EIF2B3: variants seen among roughly 807,000 people sequenced by gnomAD.
EIF2B3 encodes the protein translation initiation factor eIF2B subunit gamma.
EIF2B3 carries 20 observed loss-of-function variants against 54.1 expected under a neutral mutation model. The observed-to-expected ratio is 0.37, with a 90% CI of 0.26 to 0.54. EIF2B3 has a LOEUF of 0.54. EIF2B3 is among the 20% of genes least tolerant of loss of function. The pLI, the probability that EIF2B3 is intolerant of heterozygous loss-of-function variation, is 0.86. For missense variants in EIF2B3, 448 were observed against 547.8 expected (o/e 0.82, Z 1.82); for synonymous variants, 153 against 188.1 (o/e 0.81, Z 1.52).
At chr1:44,911,749 C>T (rs1399860944) in intron 5 of EIF2B3, among the ~76,000 whole-genome samples, 2 of 151,954 alleles carry the variant, frequency 1.3e-5, no homozygotes, top group Admixed American at 1.3e-4. Context: ...GGTACATGTG[C>T]ACAATGTGCA....
chr1:44,898,297 C>T (rs1656046497), intron 5 of EIF2B3, among the ~76,000 whole-genome samples: 1 of 152,134 alleles, frequency 6.6e-6, no homozygotes, highest in Admixed American at 6.5e-5. Flanking sequence ...TCCCACAAAA[C>T]TTGGTATCTA....
intron 3 of EIF2B3, among the ~76,000 whole-genome samples, chr1:44,942,060 C>T (rs551604175): frequency 6.6e-6 from 1 of 152,068 alleles, no homozygotes; most frequent in South Asian, 2.1e-4. Flanking sequence ...AAAGAACAAT[C>T]ACTTTACTAC....
At chr1:44,909,204 G>A (rs1441979813) in intron 5 of EIF2B3, among the ~76,000 whole-genome samples, 1 of 152,062 alleles carries the variant, frequency 6.6e-6, no homozygotes, top group African/African-American at 2.4e-5. Context: ...TGGTAGTAAG[G>A]GACTAGAAAG....
At position 44,974,489 on chromosome 1, in the gene EIF2B3, A is replaced by G. The variant is rs969858417; in HGVS notation, c.294+3826T>C. On this transcript the variant is annotated intron_variant, in intron 3 of 11. Coordinates refer to ENST00000360403, the MANE Select transcript of EIF2B3 (RefSeq NM_020365.5). ...ACCCTGGTCTAAAAAAAAAAAAAAG[A>G]AAAAAAAAGAAATTAGCCGGGCATG... is the stretch of plus-strand genomic sequence containing the variant. Among the ~76,000 whole-genome samples, 235 of 149,192 alleles carry G rather than the reference A, an allele frequency of 1.6e-3. 1 individual carries two copies. Among genetic ancestry groups the G allele is most frequent in the Non-Finnish European group, 2.7e-4 (18 of 67,234 alleles).
At chr1:44,862,153 G>A (rs1654627630) in intron 10 of EIF2B3, among the ~76,000 whole-genome samples, 1 of 152,178 alleles carries the variant, frequency 6.6e-6, no homozygotes. Context: ...CAACAAAAGA[G>A]CTTGTTCCAG....
intron 3 of EIF2B3, among the ~76,000 whole-genome samples, chr1:44,960,196 G>A (rs1387684906): frequency 2.0e-5 from 3 of 152,146 alleles, no homozygotes; most frequent in Non-Finnish European, 4.4e-5. Context: ...ATTTTTTAAA[G>A]TTGACTTTTT....
chr1:44,971,697 A>G (rs562846418), intron 3 of EIF2B3, among the ~76,000 whole-genome samples: 1 of 152,334 alleles, frequency 6.6e-6, no homozygotes, highest in South Asian at 2.1e-4. Flanking sequence ...AATCAAAACT[A>G]CAGTAAGATA....
intron 4 of EIF2B3, among the ~76,000 whole-genome samples, chr1:44,927,649 T>C (rs375508817): frequency 9.2e-5 from 14 of 152,274 alleles, no homozygotes; most frequent in African/African-American, 3.1e-4. Context: ...ATATTATTAA[T>C]TGGTGACGTT....
At chr1:44,956,634 T>C (rs1644229051) in intron 3 of EIF2B3, among the ~76,000 whole-genome samples, 1 of 152,160 alleles carries the variant, frequency 6.6e-6, no homozygotes, top group Non-Finnish European at 1.5e-5. Context: ...TATATACATA[T>C]ATGTATATAT....
chr1:44,932,536 T>G (rs1479375876), intron 4 of EIF2B3: 1 of 152,214 alleles, frequency 6.6e-6, no homozygotes, highest in Non-Finnish European at 1.5e-5. Context: ...ACCTGGTGAC[T>G]AGTTAGTAAC....
At chr1:44,957,985 C>T (rs1375053729) in intron 3 of EIF2B3, among the ~76,000 whole-genome samples, 1 of 152,198 alleles carries the variant, frequency 6.6e-6, no homozygotes, top group Admixed American at 6.5e-5. Context: ...ATTTATCATG[C>T]AACAATACCA....
chr1:44,949,168 C>T (rs1644135277), intron 3 of EIF2B3, among the ~76,000 whole-genome samples: 2 of 152,146 alleles, frequency 1.3e-5, no homozygotes, highest in Admixed American at 1.3e-4. Context: ...CTGCACCTGG[C>T]CGCCAGTGTT....
intron 4 of EIF2B3, among the ~76,000 whole-genome samples, chr1:44,933,277 A>G (rs1204011802): frequency 1.3e-5 from 2 of 152,226 alleles, no homozygotes; most frequent in Non-Finnish European, 2.9e-5. Context: ...TCATGATAAT[A>G]TAAACATAAA....
At chr1:44,852,988 G>A (rs1654322500) in intron 11 of EIF2B3, among the ~76,000 whole-genome samples, 1 of 152,130 alleles carries the variant, frequency 6.6e-6, no homozygotes, top group South Asian at 2.1e-4. Context: ...GAATCATGAA[G>A]CCGGAGAGCT....
intron 3 of EIF2B3, among the ~76,000 whole-genome samples, chr1:44,942,379 A>T (rs867980770): frequency 9.4e-3 from 63 of 6,704 alleles, no homozygotes; most frequent in African/African-American, 0.038. Flanking sequence ...TTCTGATTTT[A>T]TATATATATA....
At chr1:44,892,018 C>T (rs560147617) in intron 6 of EIF2B3, among the ~76,000 whole-genome samples, 93 of 152,164 alleles carry the variant, frequency 6.1e-4, no homozygotes, top group African/African-American at 2.1e-3. Flanking sequence ...GGATTACAGG[C>T]GTGAGCTATT....
chr1:44,917,759 T>C (rs1173880690), intron 5 of EIF2B3, among the ~76,000 whole-genome samples: 4 of 50,420 alleles, frequency 7.9e-5, no homozygotes, highest in Admixed American at 2.2e-4. Flanking sequence ...AACACTCTTT[T>C]TTTTTTTTTT....
intron 10 of EIF2B3, among the ~76,000 whole-genome samples, chr1:44,866,502 G>C (rs1573687563): frequency 6.6e-6 from 1 of 151,946 alleles, no homozygotes; most frequent in East Asian, 1.9e-4. Flanking sequence ...CATGAATAAA[G>C]TGTTATGGGT....
intron 9 of EIF2B3, among the ~76,000 whole-genome samples, 195 bp downstream of exon 9, chr1:44,875,423 T>A (rs1316909704): frequency 6.6e-6 from 1 of 152,180 alleles, no homozygotes; most frequent in African/African-American, 2.4e-5. Flanking sequence ...CCCAACACTA[T>A]AATGGACCCT....
Sources: allele counts gnomAD v4.1 joint callset (sites outside exome capture counted in the v4.1 genomes callset), GRCh38; gene constraint gnomAD v4.1.1; transcripts MANE v1.5; gene names NCBI Gene and HGNC (gene_info 2026-07-23, HGNC 2026-07-21).